The following LRBA variants were observed in gnomAD, a reference collection of about 807,000 sequenced individuals.
LRBA encodes lipopolysaccharide-responsive and beige-like anchor protein.
LRBA carries 176 observed loss-of-function variants against 330.0 expected under a neutral mutation model. That is an observed-to-expected ratio of 0.53 (90% CI 0.47 to 0.60). LRBA has a LOEUF of 0.60. Ranked by LOEUF, LRBA falls within the 20% of genes least tolerant of loss-of-function variation. LRBA has a pLI of 0.00. For synonymous variants in LRBA, 1,230 were observed against 1,193.0 expected (o/e 1.03, Z -0.64); for missense variants, 3,259 against 3,444.8 (o/e 0.95, Z 1.35).
chr4:151,008,368 A>T (rs2149668938), intron 2 of LRBA, among the ~76,000 whole-genome samples: 1 of 152,240 alleles, frequency 6.6e-6, no homozygotes, highest in South Asian at 2.1e-4. Context: ...GGCATGAGCC[A>T]CCGCACCCAG....
intron 47 of LRBA, among the ~76,000 whole-genome samples, chr4:150,355,433 A>T (rs1391495460): frequency 6.6e-6 from 1 of 152,068 alleles, no homozygotes; most frequent in African/African-American, 2.4e-5. Context: ...CCACTCCATT[A>T]AAAAAAGAAA....
intron 30 of LRBA, among the ~76,000 whole-genome samples, chr4:150,818,978 A>C (rs1229130722): frequency 2.0e-5 from 3 of 152,070 alleles, no homozygotes; most frequent in Non-Finnish European, 4.4e-5. Flanking sequence ...GGCTTTATTT[A>C]TAATAGTCAA....
chr4:150,640,929 C>G (rs1778615717), intron 37 of LRBA, among the ~76,000 whole-genome samples: 1 of 152,134 alleles, frequency 6.6e-6, no homozygotes, highest in Non-Finnish European at 1.5e-5. Context: ...CTAGATTTGT[C>G]TACAACCACT....
At chr4:150,892,445 T>C (rs1046299272) in intron 17 of LRBA, among the ~76,000 whole-genome samples, 5 of 152,178 alleles carry the variant, frequency 3.3e-5, no homozygotes, top group African/African-American at 1.2e-4. Flanking sequence ...AGCTCACTCA[T>C]GCTCTCTTTC....
chr4:150,872,268 T>C (rs1013278689), intron 18 of LRBA, among the ~76,000 whole-genome samples: 30 of 152,116 alleles, frequency 2.0e-4, no homozygotes, highest in Non-Finnish European at 1.9e-4. Flanking sequence ...GCTAAGAAAA[T>C]AAGCGTGGAA....
intron 2 of LRBA, among the ~76,000 whole-genome samples, chr4:150,934,007 G>A (rs542044060): frequency 4.6e-5 from 7 of 151,840 alleles, no homozygotes; most frequent in Non-Finnish European, 1.0e-4. Flanking sequence ...CTGGGCGACA[G>A]GGCAAGACCC....
chr4:150,686,934 T>C (rs1783675076), intron 36 of LRBA, among the ~76,000 whole-genome samples: 1 of 152,090 alleles, frequency 6.6e-6, no homozygotes, highest in South Asian at 2.1e-4. Flanking sequence ...AGCTAAACGG[T>C]AAAATGGTTT....
chr4:150,918,342 C>T (rs1476713450), intron 5 of LRBA, among the ~76,000 whole-genome samples: 1 of 151,844 alleles, frequency 6.6e-6, no homozygotes, highest in Non-Finnish European at 1.5e-5. Context: ...ATACAAATAG[C>T]CAATAAAAAT....
rs187499834 is a variant in LRBA at position 150,356,947 on chromosome 4, T to C, written c.7195-6788A>G. Reference sequence around the variant, plus strand: ...TTGTGACATTAAGATCAATAAGTCATGAAGCCCAAGAAAGTAAAAATGGAG... The same window carrying C: ...TTGTGACATTAAGATCAATAAGTCACGAAGCCCAAGAAAGTAAAAATGGAG... On this transcript the variant is annotated intron_variant, in intron 47 of 56. Coordinates refer to ENST00000651943, the MANE Select transcript of LRBA (RefSeq NM_001364905.1). Among the ~76,000 whole-genome samples the C allele has an allele frequency of 3.6e-3, 551 of 152,008 alleles. 3 individuals are homozygous for C. The highest frequency in any genetic ancestry group is 0.01 in the Middle Eastern group (3 of 294).
chr4:150,434,133 T>G (rs943483257), intron 46 of LRBA, among the ~76,000 whole-genome samples: 1 of 152,174 alleles, frequency 6.6e-6, no homozygotes, highest in African/African-American at 2.4e-5. Context: ...CATCTGGCAC[T>G]TATTTTCTCC....
chr4:150,308,519 T>C (rs1218334701), intron 52 of LRBA, among the ~76,000 whole-genome samples: 1 of 152,254 alleles, frequency 6.6e-6, no homozygotes, highest in African/African-American at 2.4e-5. Flanking sequence ...TCTTTCTACC[T>C]ATAAAAAGAA....
chr4:150,575,448 T>A (rs1424806876), intron 40 of LRBA, among the ~76,000 whole-genome samples: 3 of 151,902 alleles, frequency 2.0e-5, no homozygotes, highest in Non-Finnish European at 4.4e-5. Context: ...CAATGCCAAA[T>A]TACTACTATT....
chr4:150,785,292 G>A (rs1462744461), intron 34 of LRBA, among the ~76,000 whole-genome samples: 3 of 152,108 alleles, frequency 2.0e-5, no homozygotes, highest in African/African-American at 7.2e-5. Context: ...GCAAAAACCC[G>A]AAAAGACATC....
chr4:150,350,293 C>T (rs1050583736), intron 47 of LRBA, 134 bp from the exon 48 acceptor site: 14 of 682,930 alleles, frequency 2.0e-5, no homozygotes, highest in African/African-American at 3.8e-5. Flanking sequence ...AACTTGTGGC[C>T]GGGCGCAGTG....
At chr4:150,646,200 T>TA (rs1779121136) in intron 37 of LRBA, among the ~76,000 whole-genome samples, 1 of 151,886 alleles carries the variant, frequency 6.6e-6, no homozygotes, top group Non-Finnish European at 1.5e-5. Context: ...GTAGAACCAA[T>TA]AAAATTTCCT....
rs550777250 is a variant in LRBA, at chr4:150,553,397, C to T, written c.6330+34651G>A. ...CGAGTTACTGGGTGCAGCACACCAA[C>T]ATGGCACATGTGTACATATGTAACA... On this transcript the variant is annotated intron_variant, in intron 40 of 56. Coordinates refer to ENST00000651943, the MANE Select transcript of LRBA (RefSeq NM_001364905.1). Among the ~76,000 whole-genome samples, 24 of 151,952 alleles carry T rather than the reference C, an allele frequency of 1.6e-4. No individual in the cohort carries two copies. In the East Asian group the frequency reaches 4.7e-3, roughly 29 times the overall value.
intron 40 of LRBA, among the ~76,000 whole-genome samples, chr4:150,532,899 CTGAGAGGAA>C (rs1227088280): frequency 6.6e-6 from 1 of 151,990 alleles, no homozygotes; most frequent in Non-Finnish European, 1.5e-5. Context: ...CTTAAAAATA[CTGAGAGGAA>C]AAAAACTATC....
chr4:150,454,939 A>AT (rs139935647), intron 44 of LRBA, among the ~76,000 whole-genome samples: 25 of 148,586 alleles, frequency 1.7e-4, no homozygotes, highest in East Asian at 5.9e-4. Flanking sequence ...AGTGTTTTTT[A>AT]TTTTTTTTTA....
intron 9 of LRBA, among the ~76,000 whole-genome samples, chr4:150,909,623 T>C (rs2098927): frequency 0.7 from 106,785 of 152,122 alleles, 43,361 homozygotes; most frequent in Non-Finnish European, 0.91. Context: ...GACCCTATTT[T>C]TTGTGTGCAA....
Sources: allele counts gnomAD v4.1 joint callset (sites outside exome capture counted in the v4.1 genomes callset), GRCh38; gene constraint gnomAD v4.1.1; transcripts MANE v1.5; gene names NCBI Gene and HGNC (gene_info 2026-07-23, HGNC 2026-07-21).